PAX7: variants seen among roughly 807,000 people sequenced by gnomAD.
PAX7 encodes paired box protein Pax-7.
A neutral mutation model predicts 50.7 loss-of-function variants in PAX7; 18 were observed. The observed-to-expected ratio is 0.36, with a 90% CI of 0.25 to 0.53. The LOEUF is 0.53. Ranked by LOEUF, PAX7 falls within the 20% of genes least tolerant of loss-of-function variation. The probability of loss-of-function intolerance (pLI) is 0.93; values close to 1 mark genes in which losing one functional copy is unlikely to be tolerated. For missense variants in PAX7, 644 were observed against 702.9 expected (o/e 0.92, Z 0.95); for synonymous variants, 310 against 290.4 (o/e 1.07, Z -0.69).
At chr1:18,712,365 C>G (rs538273987) in intron 7 of PAX7, among the ~76,000 whole-genome samples, 1 of 152,246 alleles carries the variant, frequency 6.6e-6, no homozygotes, top group Non-Finnish European at 1.5e-5. Flanking sequence ...CCATCAGAGG[C>G]CTCAGCTCCA....
chr1:18,679,418 G>C (rs777001654), intron 4 of PAX7, among the ~76,000 whole-genome samples: 1 of 152,226 alleles, frequency 6.6e-6, no homozygotes, highest in African/African-American at 2.4e-5. Flanking sequence ...CAGCCGCTTT[G>C]TGGGGCGCGG....
rs993453415 is a variant in PAX7 at position 18,675,653 on chromosome 1, C to T, written c.587-16101C>T. Among the ~76,000 whole-genome samples the T allele has an allele frequency of 7.2e-5, 11 of 152,174 alleles. No homozygotes were observed. The East Asian group carries it at 7.7e-4, about 11-fold the overall frequency. On this transcript the variant is annotated intron_variant, in intron 4 of 8. Coordinates refer to ENST00000420770, the MANE Select transcript of PAX7 (RefSeq NM_001135254.2). ...TTGCAGAGACTCTTAGCCAGGAAGC[C>T]GAAATGAGCCCCCGGCTGCTTTTTG...
chr1:18,717,424 T>TCCACCAATGCACTTGCCCTTCC (rs1187656911), intron 7 of PAX7, among the ~76,000 whole-genome samples: 2 of 152,154 alleles, frequency 1.3e-5, no homozygotes, highest in East Asian at 3.9e-4. Flanking sequence ...TAGGGCCTTC[T>TCCACCAATGCACTTGCCCTTCC]CCACCAATGC....
chr1:18,701,936 T>G lies in PAX7; in HGVS notation c.952+1118T>G, dbSNP rs918088027. Among the ~76,000 whole-genome samples, 62 of 152,132 alleles carry G rather than the reference T, an allele frequency of 4.1e-4. 5 individuals carry two copies. On this transcript the variant is annotated intron_variant, in intron 6 of 8. Coordinates refer to ENST00000420770, the MANE Select transcript of PAX7 (RefSeq NM_001135254.2). ...GTCTCAGGAGAGAAGGTGAGCCTTGTAGGGGAAGAAGGGTTCCCTCCCCCT... is the reference window on the plus strand; with the variant it reads ...GTCTCAGGAGAGAAGGTGAGCCTTGGAGGGGAAGAAGGGTTCCCTCCCCCT...
chr1:18,728,888 T>TGAACCCCA (rs2089612106), intron 7 of PAX7, among the ~76,000 whole-genome samples: 1 of 150,732 alleles, frequency 6.6e-6, no homozygotes, highest in Non-Finnish European at 1.5e-5. Flanking sequence ...AAAAAACTCC[T>TGAACCCCA]GACCCCCAGA....
chr1:18,744,977 C>T lies in PAX7; in HGVS notation c.*48C>T. 1.8e-6 allele frequency: 2 copies of T among 1,132,028 alleles called. No homozygotes were observed. Among genetic ancestry groups the T allele is most frequent in the Non-Finnish European group, 2.6e-6 (2 of 767,796 alleles). 70.1% of individuals were successfully genotyped at this position (1,132,028 alleles called of 1,614,324 possible). ...AGCCCAATTCCCAGCCCAACCCTAA[C>T]TGACCCCTGAGCTTCCCAGCCTTGC... On this transcript the variant is annotated 3_prime_UTR_variant, in exon 9 of 9. Coordinates refer to ENST00000420770, the MANE Select transcript of PAX7 (RefSeq NM_001135254.2).
chr1:18,634,032 G>T lies in PAX7; in HGVS notation c.86-271G>T, dbSNP rs1339065. On this transcript the variant is annotated intron_variant, in intron 1 of 8. Coordinates refer to ENST00000420770, the MANE Select transcript of PAX7 (RefSeq NM_001135254.2). This position sits in a 1 kb window ranked among gnomAD's most constrained non-coding sequence, Gnocchi z 4.0. ...TCCCCCAGGTGTGTCCTCATCCCTCGTAGTGTGGCAGGAGTTGGGGGACAC... is the reference window on the plus strand; with the variant it reads ...TCCCCCAGGTGTGTCCTCATCCCTCTTAGTGTGGCAGGAGTTGGGGGACAC... Among the ~76,000 whole-genome samples, 520 of 152,228 alleles carry T rather than the reference G, an allele frequency of 3.4e-3. 10 individuals carry two copies. The highest frequency in any genetic ancestry group is 0.026 in the Admixed American group (404 of 15,302).
At position 18,684,237 on chromosome 1, in the gene PAX7, C is replaced by G. The variant is rs1194228433; in HGVS notation, c.587-7517C>G. Among the ~76,000 whole-genome samples the G allele has an allele frequency of 2.6e-5, 4 of 152,174 alleles. 1 individual carries two copies. The South Asian group carries it at 8.3e-4, about 32-fold the overall frequency. ...GACAGGTTCCAAGCTAACAGGGACT[C>G]GGGATCTCCTGGCCTCAGTGCTGGG... On this transcript the variant is annotated intron_variant, in intron 4 of 8. Transcript: ENST00000420770.
At chr1:18,653,703 C>T (rs1235184802) in intron 4 of PAX7, among the ~76,000 whole-genome samples, 3 of 151,964 alleles carry the variant, frequency 2.0e-5, no homozygotes, top group Admixed American at 2.0e-4. Context: ...AACGTATCTG[C>T]CCCCATTTTA....
chr1:18,700,717 T>C lies in PAX7; in HGVS notation c.851T>C (p.Phe284Ser). Residue 284 changes from phenylalanine to serine, a missense_variant, in exon 6 of 9, where the codon TTC (phenylalanine) becomes TCC (serine). Phe to Ser is a radical substitution (Grantham distance 155, BLOSUM62 -2). Transcript: ENST00000420770. This position sits in a 1 kb window ranked among gnomAD's most constrained non-coding sequence, Gnocchi z 4.8. The stretch of plus-strand genomic sequence containing the variant: ...GCAGGAGCCAACCAGCTGGCGGCGT[T>C]CAACCACCTTCTGCCAGGAGGCTTC... ...KQAGANQLAA[F>S]NHLLPGGFPP... is the part of the protein sequence containing the mutation. 1 of 1,602,416 alleles carries C rather than the reference T, an allele frequency of 6.2e-7. No individual in the cohort carries two copies. Among genetic ancestry groups the C allele is most frequent in the East Asian group, 2.3e-5 (1 of 43,104 alleles).
In PAX7 at chr1:18,735,643, C is replaced by A. The variant is rs762115620; in HGVS notation, c.1167C>A (p.Ile389=). The change falls in exon 8 of 9, where the codon ATC becomes ATA. Residue 389 remains isoleucine (I), a synonymous_variant. Coordinates refer to ENST00000420770, the MANE Select transcript of PAX7 (RefSeq NM_001135254.2). This position sits in a 1 kb window ranked among gnomAD's most constrained non-coding sequence, Gnocchi z 4.0. ...SNGLSPQVMS[I]LGNPSAVPPQ... ...CCTTTTCCCCACAGGTGATGAGCATCTTGGGCAACCCCAGTGCGGTGCCCC... is the reference window on the plus strand; with the variant it reads ...CCTTTTCCCCACAGGTGATGAGCATATTGGGCAACCCCAGTGCGGTGCCCC... The A allele has an allele frequency of 6.8e-6, 11 of 1,612,254 alleles. No individual in the cohort carries two copies. The highest frequency in any genetic ancestry group is 9.3e-6 in the Non-Finnish European group (11 of 1,178,632).
chr1:18,660,998 A>ACTCC (rs2088592344), intron 4 of PAX7, among the ~76,000 whole-genome samples: 1 of 152,148 alleles, frequency 6.6e-6, no homozygotes, highest in African/African-American at 2.4e-5. Context: ...TCAGAGTGCT[A>ACTCC]GAGGGGAAAG....
intron 4 of PAX7, among the ~76,000 whole-genome samples, chr1:18,654,649 G>C (rs1020995206): frequency 6.6e-6 from 1 of 152,208 alleles, no homozygotes; most frequent in Non-Finnish European, 1.5e-5. Flanking sequence ...AATTTGCCAG[G>C]CCGTAATAAT....
intron 4 of PAX7, among the ~76,000 whole-genome samples, chr1:18,679,188 AG>A (rs1220933599): frequency 6.6e-6 from 1 of 152,164 alleles, no homozygotes; most frequent in Non-Finnish European, 1.5e-5. Context: ...AGTGAGCCCC[AG>A]GTTTAAGTCC....
At chr1:18,706,649 A>G (rs534459048) in intron 7 of PAX7, among the ~76,000 whole-genome samples, 10 of 151,652 alleles carry the variant, frequency 6.6e-5, no homozygotes, top group African/African-American at 2.4e-4. Flanking sequence ...CTCCCAACTA[A>G]TTTTTGTATA....
chr1:18,744,760 G>A, intron 8 of PAX7, 54 bp from the exon 9 acceptor site: 1 of 1,022,048 alleles, frequency 9.8e-7, no homozygotes, highest in South Asian at 1.4e-5. Context: ...AGAGTGAATG[G>A]AAGAATAAAC....
chr1:18,718,009 C>A (rs565351026), intron 7 of PAX7, among the ~76,000 whole-genome samples: 2 of 152,178 alleles, frequency 1.3e-5, no homozygotes, highest in Non-Finnish European at 2.9e-5. Flanking sequence ...TGACCACCCT[C>A]CTTAACAAGC....
intron 4 of PAX7, among the ~76,000 whole-genome samples, chr1:18,637,734 G>T (rs2088184222): frequency 6.6e-6 from 1 of 152,260 alleles, no homozygotes; most frequent in Non-Finnish European, 1.5e-5. Context: ...TGGGTGGCCG[G>T]GCAGCCCCGT....
chr1:18,684,955 T>C (rs537918492), intron 4 of PAX7, among the ~76,000 whole-genome samples: 6 of 152,256 alleles, frequency 3.9e-5, no homozygotes, highest in African/African-American at 1.2e-4. Flanking sequence ...TGGTCCTCTG[T>C]GAGCTGGGTA....
Sources: gnomAD v4.1 joint callset for allele counts (sites outside exome capture counted in the v4.1 genomes callset) on GRCh38, gnomAD v4.1.1 for gene constraint, Gnocchi (gnomAD v3.1) non-coding constraint, MANE v1.5 for transcripts, NCBI Gene and HGNC (gene_info 2026-07-23, HGNC 2026-07-21) for gene names.